The following GRIK3 variants were observed in gnomAD, a reference collection of about 807,000 sequenced individuals.
GRIK3 encodes the protein glutamate receptor ionotropic, kainate 3.
Under a neutral mutation model 102.5 loss-of-function variants are expected in GRIK3, and 29 were observed. The ratio of observed to expected loss-of-function variants is 0.28; its 90% CI spans 0.21 to 0.39. The LOEUF (loss-of-function observed/expected upper bound fraction) is 0.39, where lower values mean the gene tolerates loss of function less well. Ranked by LOEUF, GRIK3 falls within the 10% of genes least tolerant of loss-of-function variation. The probability of loss-of-function intolerance (pLI) is 1.00; values close to 1 mark genes in which losing one functional copy is unlikely to be tolerated. For synonymous variants in GRIK3, 511 were observed against 504.9 expected (o/e 1.01, Z -0.16); for missense variants, 908 against 1,252.4 (o/e 0.73, Z 4.15).
intron 1 of GRIK3, among the ~76,000 whole-genome samples, chr1:37,015,641 C>G (rs1268688758): frequency 1.3e-5 from 2 of 152,182 alleles, no homozygotes; most frequent in Non-Finnish European, 2.9e-5. Flanking sequence ...ATAGCCTAGC[C>G]AGGGAGAGGG....
intron 1 of GRIK3, among the ~76,000 whole-genome samples, chr1:36,995,918 T>C (rs1642414819): frequency 6.6e-6 from 1 of 152,230 alleles, no homozygotes; most frequent in African/African-American, 2.4e-5. Flanking sequence ...AATTAGATCC[T>C]AAGTAGCTCT....
chr1:36,878,055 A>G (rs1640928551), intron 3 of GRIK3, among the ~76,000 whole-genome samples: 1 of 152,204 alleles, frequency 6.6e-6, no homozygotes. Flanking sequence ...TTGATTTCCA[A>G]TTCAATCCAA....
chr1:36,845,873 T>C (rs966779519), intron 9 of GRIK3, among the ~76,000 whole-genome samples: 32 of 152,200 alleles, frequency 2.1e-4, no homozygotes, highest in African/African-American at 7.5e-4. Flanking sequence ...CTCCTGCTGC[T>C]GGGTGCTGAG....
At chr1:36,843,291 T>A (rs1027447195) in intron 9 of GRIK3, among the ~76,000 whole-genome samples, 7 of 152,102 alleles carry the variant, frequency 4.6e-5, no homozygotes, top group African/African-American at 1.7e-4. Context: ...CAAAGCCCCA[T>A]CCCGTGTCCA....
intron 1 of GRIK3, among the ~76,000 whole-genome samples, chr1:36,922,412 A>G (rs1641483578): frequency 6.6e-6 from 1 of 151,880 alleles, no homozygotes; most frequent in Non-Finnish European, 1.5e-5. Flanking sequence ...AGCTGCTTCA[A>G]CTCCCTCCCT....
intron 1 of GRIK3, among the ~76,000 whole-genome samples, chr1:36,954,397 C>G (rs1641879525): frequency 6.6e-6 from 1 of 152,196 alleles, no homozygotes; most frequent in South Asian, 2.1e-4. Flanking sequence ...GTAGAGGAAG[C>G]CACATGCCAA....
At chr1:36,940,366 T>C (rs992032866) in intron 1 of GRIK3, among the ~76,000 whole-genome samples, 4 of 152,344 alleles carry the variant, frequency 2.6e-5, no homozygotes, top group African/African-American at 9.6e-5. Context: ...TTTGTCTCTA[T>C]TGCATCTGAT....
At position 36,825,772 on chromosome 1, in the gene GRIK3, T is replaced by C. The variant is rs768089304; in HGVS notation, c.1585A>G (p.Ile529Val). 13 of 1,613,748 alleles carry C rather than the reference T, an allele frequency of 8.1e-6. No homozygotes were observed. In the Admixed American group the frequency reaches 8.3e-5, roughly 10 times the overall value. The change falls in exon 11 of 16, where the codon ATC becomes GTC. Residue 529 changes from isoleucine (I) to valine (V), a missense_variant. Coordinates refer to ENST00000373091, the MANE Select transcript of GRIK3 (RefSeq NM_000831.4). ...GTCATGAAGGGCTTGGAGAAGTCGA[T>C]GGCCTTCTCTCGAACATGGGTGATG... Reference protein sequence around the residue: ...LTITHVREKAIDFSKPFMTLG... With the variant: ...LTITHVREKAVDFSKPFMTLG...
intron 11 of GRIK3, among the ~76,000 whole-genome samples, chr1:36,822,308 T>C (rs915127630): frequency 2.6e-5 from 4 of 152,216 alleles, no homozygotes; most frequent in Admixed American, 6.5e-5. Flanking sequence ...TAACCGCTTC[T>C]AGAATGGGCT....
chr1:37,001,151 C>T (rs1302247076), intron 1 of GRIK3, among the ~76,000 whole-genome samples: 1 of 152,208 alleles, frequency 6.6e-6, no homozygotes, highest in Non-Finnish European at 1.5e-5. Context: ...CAAATGTGTG[C>T]TCCATGTCCC....
intron 1 of GRIK3, among the ~76,000 whole-genome samples, chr1:37,018,749 T>C (rs971511838): frequency 6.6e-6 from 1 of 152,074 alleles, no homozygotes; most frequent in Non-Finnish European, 1.5e-5. Context: ...AGGGGGAGAT[T>C]GATGCCTGCA....
At position 37,034,144 on chromosome 1, in the gene GRIK3, G is replaced by T; in HGVS notation, c.-36C>A. ...CGCCGAGCGTGCCCGGGGCGCGGCC[G>T]TGGCGGGCTCCCTGGGGCGGCAGCT... On this transcript the variant is annotated 5_prime_UTR_variant, in exon 1 of 16. Transcript: ENST00000373091. 8.6e-7 allele frequency: 1 copy of T among 1,165,612 alleles called. No homozygotes were observed. The highest frequency in any genetic ancestry group is 1.2e-6 in the Non-Finnish European group (1 of 835,098). The allele number at this position is 1,165,612 out of a possible 1,614,324, so 72.2% of individuals were successfully genotyped here.
chr1:36,977,190 C>T (rs1557449232), intron 1 of GRIK3, among the ~76,000 whole-genome samples: 1 of 152,230 alleles, frequency 6.6e-6, no homozygotes, highest in East Asian at 1.9e-4. Flanking sequence ...ATTTCTTTAG[C>T]TCTGAAATGG....
chr1:36,952,611 C>T (rs988894270), intron 1 of GRIK3, among the ~76,000 whole-genome samples: 2 of 152,168 alleles, frequency 1.3e-5, no homozygotes, highest in Non-Finnish European at 2.9e-5. Flanking sequence ...GCACTGTGTG[C>T]CAGCAGGCTC....
intron 1 of GRIK3, among the ~76,000 whole-genome samples, chr1:36,915,349 C>G (rs1035735783): frequency 6.6e-6 from 1 of 152,216 alleles, no homozygotes; most frequent in African/African-American, 2.4e-5. Context: ...TTGTTCATCT[C>G]TTTCTCTCCA....
intron 7 of GRIK3, among the ~76,000 whole-genome samples, chr1:36,855,717 C>CT (rs1299787291): frequency 1.3e-5 from 2 of 152,268 alleles, no homozygotes. Flanking sequence ...TGGCTTCCAT[C>CT]TGTGCAGCTC....
intron 1 of GRIK3, among the ~76,000 whole-genome samples, chr1:37,033,113 T>A (rs527748607): frequency 1.3e-5 from 2 of 152,146 alleles, no homozygotes; most frequent in Non-Finnish European, 2.9e-5. Context: ...GCCCGGGACA[T>A]GCGCGGCGCT....
chr1:36,820,115 A>G (rs1424053595), intron 11 of GRIK3, among the ~76,000 whole-genome samples: 2 of 152,184 alleles, frequency 1.3e-5, no homozygotes, highest in Non-Finnish European at 1.5e-5. Context: ...CTCATTATCC[A>G]TCCCAGAAAA....
intron 1 of GRIK3, among the ~76,000 whole-genome samples, chr1:37,033,113 T>G (rs527748607): frequency 1.3e-5 from 2 of 152,262 alleles, no homozygotes; most frequent in African/African-American, 4.8e-5. Context: ...GCCCGGGACA[T>G]GCGCGGCGCT....
Sources: allele counts gnomAD v4.1 joint callset (sites outside exome capture counted in the v4.1 genomes callset), GRCh38; gene constraint gnomAD v4.1.1; transcripts MANE v1.5; gene names NCBI Gene and HGNC (gene_info 2026-07-23, HGNC 2026-07-21).